ACP1: variants seen among roughly 807,000 people sequenced by gnomAD.
The protein encoded by ACP1 is low molecular weight phosphotyrosine protein phosphatase.
In ACP1, 23 loss-of-function variants were observed where a neutral mutation model predicts 23.4. That is an observed-to-expected ratio of 0.98 (90% CI 0.71 to 1.39). The LOEUF is 1.39. Among genes scored for constraint, ACP1 ranks in the 40% most tolerant of loss-of-function variants. The pLI, the probability that ACP1 is intolerant of heterozygous loss-of-function variation, is 0.00. For synonymous variants in ACP1, 72 were observed against 67.2 expected (o/e 1.07, Z -0.35); for missense variants, 180 against 197.7 (o/e 0.91, Z 0.54).
At chr2:265,102 G>A in intron 1 of ACP1, 95 bp downstream of exon 1, 2 of 1,484,988 alleles carry the variant, frequency 1.3e-6, no homozygotes, top group South Asian at 2.3e-5. Context: ...TAGGAACCAT[G>A]AGGGGGAGGA....
chr2:275,356 C>T, intron 4 of ACP1, 155 bp downstream of exon 4: 1 of 414,454 alleles, frequency 2.4e-6, no homozygotes, highest in East Asian at 3.3e-5. Context: ...CAGCAAAAAA[C>T]TTAGTAATCT....
chr2:273,603 C>T (rs1166883553), intron 3 of ACP1, among the ~76,000 whole-genome samples: 1 of 152,200 alleles, frequency 6.6e-6, no homozygotes, highest in Admixed American at 6.5e-5. Context: ...GTCTCTGCAG[C>T]ACTGGTTTTT....
intron 4 of ACP1, 33 bp downstream of exon 4, chr2:275,234 A>ACTCT (rs751421240): frequency 7.4e-7 from 1 of 1,350,694 alleles, no homozygotes; most frequent in South Asian, 1.4e-5. Context: ...TTTCTGTTCA[A>ACTCT]CTCTCAGTTC....
intron 1 of ACP1, chr2:269,436 G>A (rs1013243533): frequency 2.0e-5 from 9 of 444,076 alleles, no homozygotes; most frequent in Non-Finnish European, 3.7e-5. Flanking sequence ...AATTAGCTGT[G>A]TTTTACAACA....
chr2:275,221 A>G lies in ACP1; in HGVS notation c.293+20A>G, dbSNP rs761205584. 6.9e-6 allele frequency: 10 copies of G among 1,441,968 alleles called. No individual in the cohort carries two copies. Among genetic ancestry groups the G allele is most frequent in the East Asian group, 2.3e-5 (1 of 43,270 alleles). The allele number at this position is 1,441,968 out of a possible 1,614,324, so 89.3% of individuals were successfully genotyped here. A position where few individuals can be genotyped will look rare whatever the true frequency, so the allele number is the denominator to read the frequency against. ...TCTGAGGTAATCCTGTTTTTGAAGA[A>G]TATTTCTGTTCAACTCTCAGTTCAG... On this transcript the variant is annotated intron_variant, in intron 4 of 5. Coordinates refer to ENST00000272065, the MANE Select transcript of ACP1 (RefSeq NM_004300.4).
chr2:275,059 T>C (rs899121938), intron 3 of ACP1, 81 bp from the exon 4 acceptor site: 6 of 606,300 alleles, frequency 9.9e-6, no homozygotes, highest in Non-Finnish European at 1.6e-5. Context: ...ACAGCAGTTT[T>C]TTTTTTCTTT....
chr2:271,726 G>A lies in ACP1; in HGVS notation c.44-140G>A. 4.2e-6 allele frequency: 3 copies of A among 720,210 alleles called. No individual in the cohort carries two copies. The South Asian group carries it at 5.0e-5, about 12-fold the overall frequency. The allele number at this position is 720,210 out of a possible 1,614,324, so 44.6% of individuals were successfully genotyped here. On this transcript the variant is annotated intron_variant, in intron 1 of 5. Coordinates refer to ENST00000272065, the MANE Select transcript of ACP1 (RefSeq NM_004300.4). ...GTCTACCCTCACTGGTTGGACAAAG[G>A]CGTCAAAGGATAGTGTTGGCCTTTG...
At chr2:268,291 G>GTAAGAGTCCTCT (rs1344655955) in intron 1 of ACP1, among the ~76,000 whole-genome samples, 1 of 152,226 alleles carries the variant, frequency 6.6e-6, no homozygotes, top group African/African-American at 2.4e-5. Context: ...AGTAAGAGTT[G>GTAAGAGTCCTCT]TATGCTTTTG....
chr2:275,066 C>G, intron 3 of ACP1, 74 bp from the exon 4 acceptor site: 16 of 600,800 alleles, frequency 2.7e-5, no homozygotes, highest in Non-Finnish European at 1.1e-5. Flanking sequence ...TTTTTTTTTT[C>G]TTTTAGTATT....
At position 268,195 on chromosome 2, in the gene ACP1, CTG is replaced by C. The variant is rs1161216430; in HGVS notation, c.43+3189_43+3190del. Among the ~76,000 whole-genome samples the C allele has an allele frequency of 7.2e-5, 11 of 152,258 alleles. No individual in the cohort carries two copies. In the South Asian group the frequency reaches 2.3e-3, roughly 32 times the overall value. On this transcript the variant is annotated intron_variant, in intron 1 of 5. Coordinates refer to ENST00000272065, the MANE Select transcript of ACP1 (RefSeq NM_004300.4). ...TTTCAGCTGTTGTTTTGAGATGAAA[CTG>C]GAGGTGGAGCATGCCTTTACTGGTT... is the stretch of plus-strand genomic sequence containing the variant.
rs1210594068 is a variant in ACP1 at position 278,056 on chromosome 2, G to A, written c.*752G>A. On this transcript the variant is annotated 3_prime_UTR_variant, in exon 6 of 6. Coordinates refer to ENST00000272065, the MANE Select transcript of ACP1 (RefSeq NM_004300.4). Reference sequence around the variant, plus strand: ...AATATGACTGTTTTTATATGCACATGTAACCCAAATGTCCAATATAAATTG... The same window carrying A: ...AATATGACTGTTTTTATATGCACATATAACCCAAATGTCCAATATAAATTG... 3.9e-5 allele frequency: 6 copies of A among 152,180 alleles called. No homozygotes were observed. The highest frequency in any genetic ancestry group is 7.3e-5 in the Non-Finnish European group (5 of 68,034). 9.4% of individuals were successfully genotyped at this position (152,180 alleles called of 1,614,324 possible).
chr2:272,825 T>G (rs1434163446), intron 3 of ACP1: 1 of 156,490 alleles, frequency 6.4e-6, no homozygotes, highest in African/African-American at 2.4e-5. Context: ...GAAGATAACC[T>G]TGTCTTTATA....
In ACP1 at chr2:276,961, T is replaced by C; in HGVS notation, c.294-19T>C. 1.3e-6 allele frequency: 2 copies of C among 1,491,532 alleles called. No individual in the cohort carries two copies. 92.4% of individuals were successfully genotyped at this position (1,491,532 alleles called of 1,614,324 possible). ...GAAACCATAGATCAGAAAACTAAGT[T>C]CATATTTCAATTTTACAGAGATTTG... On this transcript the variant is annotated intron_variant, in intron 4 of 5. Coordinates refer to ENST00000272065, the MANE Select transcript of ACP1 (RefSeq NM_004300.4).
At chr2:266,016 A>G (rs1041429714) in intron 1 of ACP1, among the ~76,000 whole-genome samples, 1 of 152,164 alleles carries the variant, frequency 6.6e-6, no homozygotes, top group African/African-American at 2.4e-5. Flanking sequence ...TTGCTTCCTT[A>G]TCGACATCTT....
intron 3 of ACP1, chr2:272,538 C>T (rs1299904898): frequency 6.0e-6 from 8 of 1,334,242 alleles, no homozygotes; most frequent in Non-Finnish European, 7.9e-6. Flanking sequence ...AATGAGAGAG[C>T]CTGACTGTGA....
At chr2:272,286 C>T in intron 3 of ACP1, 136 bp downstream of exon 3, 1 of 1,613,714 alleles carries the variant, frequency 6.2e-7, no homozygotes, top group Non-Finnish European at 8.5e-7. Context: ...GGCATTCACA[C>T]AGCCCATAAA....
intron 4 of ACP1, among the ~76,000 whole-genome samples, chr2:275,830 C>T (rs1268273361): frequency 1.3e-5 from 2 of 152,180 alleles, no homozygotes; most frequent in Admixed American, 1.3e-4. Flanking sequence ...TGACTTGCAT[C>T]ACTACTTATT....
chr2:275,058 T>C, intron 3 of ACP1, 82 bp from the exon 4 acceptor site: 1 of 600,656 alleles, frequency 1.7e-6, no homozygotes, highest in Non-Finnish European at 2.8e-6. Flanking sequence ...TACAGCAGTT[T>C]TTTTTTTCTT....
At chr2:267,231 TTTG>T (rs1369245055) in intron 1 of ACP1, among the ~76,000 whole-genome samples, 4 of 152,314 alleles carry the variant, frequency 2.6e-5, no homozygotes, top group East Asian at 1.9e-4. Context: ...TCAGTGATTT[TTTG>T]TTGTTGTTGA....
Sources: allele counts gnomAD v4.1 joint callset (sites outside exome capture counted in the v4.1 genomes callset), GRCh38; gene constraint gnomAD v4.1.1; transcripts MANE v1.5; gene names NCBI Gene and HGNC (gene_info 2026-07-23, HGNC 2026-07-21).